POTEF: variants seen among roughly 807,000 people sequenced by gnomAD.
The protein encoded by POTEF is ANKRD26-like family C member 1B.
Under a neutral mutation model 83.2 loss-of-function variants are expected in POTEF, and 20 were observed. That is an observed-to-expected ratio of 0.24 (90% CI 0.17 to 0.35). The LOEUF is 0.35. Ranked by LOEUF, POTEF falls within the 10% of genes least tolerant of loss-of-function variation. The pLI is 1.00. For synonymous variants in POTEF, 196 were observed against 446.4 expected, an observed-to-expected ratio of 0.44 and a Z score of 7.07; for missense variants, 550 against 1,203.2, an observed-to-expected ratio of 0.46 and a Z score of 8.03.
In POTEF at chr2:130,120,179, T is replaced by G. The variant is rs2897665; in HGVS notation, c.337A>C (p.Ser113Arg). The change falls in exon 3 of 17, where the codon AGC (serine) becomes CGC (arginine). Residue 113 changes from serine (S) to arginine (R), a missense_variant. By Grantham distance (110) the Ser-to-Arg change is moderately radical (BLOSUM62 -1). Coordinates refer to ENST00000409914, the MANE Select transcript of POTEF (RefSeq NM_001099771.2). Reference protein sequence around the residue: ...CHCFPCCRGSSKSKVGAWGDY... With the variant: ...CHCFPCCRGSRKSKVGAWGDY... ...CCCCAAGCGCCCACCTTGCTCTTGC[T>G]GCTCCCCCTGCAGCAGGGGAAGCAG... 1 of 1,574,654 alleles carries G rather than the reference T, an allele frequency of 6.4e-7. No individual in the cohort carries two copies.
chr2:130,100,956 G>A (rs1684354636), intron 9 of POTEF, among the ~76,000 whole-genome samples: 1 of 148,580 alleles, frequency 6.7e-6, no homozygotes, highest in African/African-American at 2.6e-5. Flanking sequence ...ACTAACATGT[G>A]AAAAATAATT....
intron 7 of POTEF, chr2:130,109,683 G>C (rs1333505212): frequency 6.6e-6 from 1 of 150,438 alleles, no homozygotes; most frequent in Admixed American, 6.6e-5. Context: ...TCACCCTTTA[G>C]AACAAGCCCA....
At chr2:130,119,609 ATATT>A (rs1265761435) in intron 3 of POTEF, among the ~76,000 whole-genome samples, 1 of 151,818 alleles carries the variant, frequency 6.6e-6, no homozygotes, top group Non-Finnish European at 1.5e-5. Flanking sequence ...TATTTGAAGA[ATATT>A]TAGCCCTGAA....
At chr2:130,101,540 C>T (rs878874691) in intron 9 of POTEF, among the ~76,000 whole-genome samples, 3 of 149,860 alleles carry the variant, frequency 2.0e-5, no homozygotes, top group South Asian at 4.2e-4. Flanking sequence ...CTGAGGTCAA[C>T]GAGAGACCAT....
chr2:130,121,919 A>G (rs1312388961), intron 2 of POTEF, among the ~76,000 whole-genome samples: 1 of 146,462 alleles, frequency 6.8e-6, no homozygotes, highest in East Asian at 2.1e-4. Flanking sequence ...GCTCCTTAAA[A>G]GAAACTTTGC....
rs1179584115 is a variant in POTEF, at chr2:130,119,456, A to G, written c.521+539T>C. Reference sequence around the variant, plus strand: ...ATTACAGGCGTGAGCCACCGCGCCCAGCCAAAAAGCTCACATCTTAAGAAA... The same window carrying G: ...ATTACAGGCGTGAGCCACCGCGCCCGGCCAAAAAGCTCACATCTTAAGAAA... On this transcript the variant is annotated intron_variant, in intron 3 of 16. Transcript: ENST00000409914. Among the ~76,000 whole-genome samples the G allele has an allele frequency of 4.6e-5, 7 of 151,866 alleles. 1 individual carries two copies. The highest frequency in any genetic ancestry group is 1.5e-4 in the African/African-American group (6 of 41,306).
chr2:130,121,252 C>T lies in POTEF; in HGVS notation c.-93-644G>A, dbSNP rs1413799464. Among the ~76,000 whole-genome samples, 3 of 148,634 alleles carry T rather than the reference C, an allele frequency of 2.0e-5. No homozygotes were observed. In the South Asian group the frequency reaches 6.4e-4, roughly 32 times the overall value. The stretch of plus-strand genomic sequence containing the variant: ...GAATGTCACTGACAGCCTTGAGTTC[C>T]GGCAAACTTCGTGGGAGTCAGCTGA... On this transcript the variant is annotated intron_variant, in intron 2 of 16. Coordinates refer to ENST00000409914, the MANE Select transcript of POTEF (RefSeq NM_001099771.2).
Position 130,075,013 on chromosome 2 carries a change from G to A in POTEF, c.2459C>T (p.Thr820Ile). 6.2e-7 allele frequency: 1 copy of A among 1,613,516 alleles called. No homozygotes were observed. The highest frequency in any genetic ancestry group is 8.5e-7 in the Non-Finnish European group (1 of 1,179,924). The change falls in exon 17 of 17, where the codon ACC becomes ATC. Residue 820 changes from threonine (T) to isoleucine (I), a missense_variant. Transcript: ENST00000409914. ...LNPKANREKM[T>I]QIMFETFNTP... ...GTTGAAGGTCTCAAACATGATCTGG[G>A]TCATCTTCTCGCGGTTGGCCTTAGG...
At chr2:130,103,100 TTC>T (rs1225783420) in intron 8 of POTEF, among the ~76,000 whole-genome samples, 96 of 113,602 alleles carry the variant, frequency 8.5e-4, no homozygotes, top group African/African-American at 3.3e-3. Flanking sequence ...TTTTCTTTCT[TTC>T]TTTTTTTTTT....
At chr2:130,107,000 C>T (rs1474047803) in intron 8 of POTEF, among the ~76,000 whole-genome samples, 1 of 149,816 alleles carries the variant, frequency 6.7e-6, no homozygotes, top group Non-Finnish European at 1.5e-5. Context: ...ACTTATAAAA[C>T]CTAACTTACA....
intron 1 of POTEF, among the ~76,000 whole-genome samples, chr2:130,128,294 C>T (rs570320383): frequency 2.0e-5 from 3 of 151,858 alleles, no homozygotes; most frequent in South Asian, 2.1e-4. Context: ...GCCGGAGAAC[C>T]GCAGTGGGTG....
intron 5 of POTEF, among the ~76,000 whole-genome samples, chr2:130,114,029 A>G (rs1402374918): frequency 6.6e-6 from 1 of 152,044 alleles, no homozygotes; most frequent in Non-Finnish European, 1.5e-5. Flanking sequence ...TAGATTTGAA[A>G]GCAGAGCTGA....
intron 2 of POTEF, among the ~76,000 whole-genome samples, chr2:130,124,277 A>G: frequency 9.9e-6 from 1 of 100,688 alleles, no homozygotes; most frequent in African/African-American, 4.7e-5. Flanking sequence ...TTCTTACAAA[A>G]TATTTAAGAG....
intron 2 of POTEF, among the ~76,000 whole-genome samples, chr2:130,126,644 C>T (rs1178387377): frequency 6.6e-6 from 1 of 152,038 alleles, no homozygotes; most frequent in East Asian, 1.9e-4. Flanking sequence ...AATAATGGAA[C>T]ACTAGGCATA....
At chr2:130,125,848 G>A (rs922297754) in intron 2 of POTEF, among the ~76,000 whole-genome samples, 2 of 150,934 alleles carry the variant, frequency 1.3e-5, no homozygotes, top group Admixed American at 1.3e-4. Context: ...AGGGGTTGCA[G>A]TGAGCCAAGA....
At chr2:130,128,588 G>A (rs369556346) in intron 1 of POTEF, among the ~76,000 whole-genome samples, 611 of 121,420 alleles carry the variant, frequency 5.0e-3, no homozygotes, top group African/African-American at 0.017. Context: ...TGTAGCACCC[G>A]ATAGTGCCCA....
intron 8 of POTEF, among the ~76,000 whole-genome samples, chr2:130,107,246 T>C (rs1282342604): frequency 2.0e-5 from 3 of 149,918 alleles, no homozygotes. Flanking sequence ...ACTGTTATGA[T>C]GACAATTAAC....
At chr2:130,119,031 C>CA (rs1261527443) in intron 3 of POTEF, among the ~76,000 whole-genome samples, 2 of 151,924 alleles carry the variant, frequency 1.3e-5, no homozygotes, top group Non-Finnish European at 2.9e-5. Context: ...TCTGGAAAAG[C>CA]AGCCTTTTTC....
At chr2:130,121,201 C>T (rs1164421661) in intron 2 of POTEF, among the ~76,000 whole-genome samples, 8 of 150,400 alleles carry the variant, frequency 5.3e-5, no homozygotes, top group Admixed American at 1.3e-4. Flanking sequence ...ATGCATGCAA[C>T]GCGCCTGCTT....
Sources: allele counts gnomAD v4.1 joint callset (sites outside exome capture counted in the v4.1 genomes callset), GRCh38; gene constraint gnomAD v4.1.1; transcripts MANE v1.5; gene names NCBI Gene and HGNC (gene_info 2026-07-23, HGNC 2026-07-21).